Variants in OSBP2 observed in about 807,000 individuals in gnomAD.
OSBP2 encodes the protein oxysterol-binding protein 2.
In OSBP2, 66 loss-of-function variants were observed where a neutral mutation model predicts 96.0. The observed-to-expected ratio is 0.69, with a 90% CI of 0.56 to 0.84. OSBP2 has a LOEUF of 0.84. OSBP2 is among the 40% of genes least tolerant of loss of function. The pLI, the probability that OSBP2 is intolerant of heterozygous loss-of-function variation, is 0.00. For missense variants in OSBP2, 1,038 were observed against 1,222.7 expected, an observed-to-expected ratio of 0.85 and a Z score of 2.25; for synonymous variants, 525 against 520.9, an observed-to-expected ratio of 1.01 and a Z score of -0.11.
intron 12 of OSBP2, among the ~76,000 whole-genome samples, chr22:30,900,881 C>G (rs2040179082): frequency 6.6e-6 from 1 of 152,046 alleles, no homozygotes; most frequent in East Asian, 1.9e-4. Flanking sequence ...TATATTTGAC[C>G]ATATTAAAAT....
At chr22:30,744,136 A>C (rs1191384209) in intron 2 of OSBP2, among the ~76,000 whole-genome samples, 1 of 152,188 alleles carries the variant, frequency 6.6e-6, no homozygotes, top group Non-Finnish European at 1.5e-5. Flanking sequence ...TGTTTATGGA[A>C]AGATTGGGAC....
intron 11 of OSBP2, 42 bp downstream of exon 11, chr22:30,893,775 G>A (rs2040006740): frequency 6.2e-7 from 1 of 1,610,934 alleles, no homozygotes. Context: ...AGGGGGCCCA[G>A]GGCAGAGTCT....
chr22:30,884,754 G>C (rs2039774803), intron 3 of OSBP2, among the ~76,000 whole-genome samples: 1 of 152,138 alleles, frequency 6.6e-6, no homozygotes, highest in South Asian at 2.1e-4. Flanking sequence ...CCCACCCTTG[G>C]AGGTGTTCTC....
chr22:30,848,649 G>C (rs560833792), intron 2 of OSBP2, among the ~76,000 whole-genome samples: 238 of 152,214 alleles, frequency 1.6e-3, no homozygotes, highest in African/African-American at 5.3e-3. Context: ...AGTTTTACTT[G>C]TTCTAGAATT....
rs143741357 is a variant in OSBP2, at chr22:30,701,224, G to A, written c.644+5671G>A. On this transcript the variant is annotated intron_variant, in intron 1 of 13. Transcript: ENST00000332585. ...GACATTGTTGCCTCTGGGATAGATT[G>A]TGTACTCACCCTTCCCATGAACTCA... Among the ~76,000 whole-genome samples, 631 of 152,010 alleles carry A rather than the reference G, an allele frequency of 4.2e-3. 1 individual carries two copies. The highest frequency in any genetic ancestry group is 6.7e-3 in the Non-Finnish European group (456 of 67,988).
chr22:30,786,900 G>A (rs2090597523), intron 2 of OSBP2, among the ~76,000 whole-genome samples: 2 of 152,134 alleles, frequency 1.3e-5, no homozygotes, highest in Admixed American at 1.3e-4. Context: ...CCAGGTTCAA[G>A]CGATTCTCCT....
intron 2 of OSBP2, among the ~76,000 whole-genome samples, chr22:30,862,045 C>T: frequency 6.6e-6 from 1 of 152,214 alleles, no homozygotes. Context: ...AAGTCATCTC[C>T]CAACTCTCAC....
chr22:30,756,310 G>A (rs148126636), intron 2 of OSBP2, among the ~76,000 whole-genome samples: 334 of 152,240 alleles, frequency 2.2e-3, no homozygotes, highest in Middle Eastern at 6.8e-3. Context: ...CACTAGACAG[G>A]TTGGGCCCAA....
At chr22:30,826,323 C>T (rs2038404846) in intron 2 of OSBP2, among the ~76,000 whole-genome samples, 1 of 152,190 alleles carries the variant, frequency 6.6e-6, no homozygotes, top group African/African-American at 2.4e-5. Context: ...AATCTCCTTC[C>T]CTGCACCTGC....
intron 2 of OSBP2, among the ~76,000 whole-genome samples, chr22:30,826,529 G>T (rs968989580): frequency 1.2e-4 from 18 of 152,162 alleles, no homozygotes; most frequent in Non-Finnish European, 2.6e-4. Context: ...GGCTGGAGGT[G>T]CCCCCTCCTT....
intron 12 of OSBP2, chr22:30,902,618 A>G (rs1602449189): frequency 4.5e-6 from 3 of 665,888 alleles, no homozygotes; most frequent in East Asian, 2.9e-5. Context: ...ACGATCCAAC[A>G]TGGATTTCAA....
rs139979803 is a variant in OSBP2 at position 30,906,410 on chromosome 22, G to A, written c.*71G>A. On this transcript the variant is annotated 3_prime_UTR_variant, in exon 14 of 14. Coordinates refer to ENST00000332585, the MANE Select transcript of OSBP2 (RefSeq NM_030758.4). ...CCTGTTCATTAATGCACTCAATTTA[G>A]TACTGAATGGTCTTTCTCCCAGCCC... is the stretch of plus-strand genomic sequence containing the variant. The A allele has an allele frequency of 4.1e-4, 595 of 1,465,970 alleles. 2 individuals carry two copies. The African/African-American group carries it at 7.3e-3, about 18-fold the overall frequency. The allele number at this position is 1,465,970 out of a possible 1,614,324, so 90.8% of individuals were successfully genotyped here.
At chr22:30,795,892 A>G (rs887343110) in intron 2 of OSBP2, among the ~76,000 whole-genome samples, 3 of 152,158 alleles carry the variant, frequency 2.0e-5, no homozygotes, top group South Asian at 4.1e-4. Flanking sequence ...TAGATTTCCA[A>G]TTCTGTTGAA....
chr22:30,853,951 G>A (rs962683654), intron 2 of OSBP2, among the ~76,000 whole-genome samples: 7 of 151,944 alleles, frequency 4.6e-5, no homozygotes, highest in Non-Finnish European at 8.8e-5. Flanking sequence ...AGTAGAGACG[G>A]GGTTTCACCG....
At chr22:30,804,933 A>G (rs1011374829) in intron 2 of OSBP2, among the ~76,000 whole-genome samples, 4 of 152,224 alleles carry the variant, frequency 2.6e-5, no homozygotes, top group Admixed American at 6.5e-5. Flanking sequence ...AAAAGTGTGT[A>G]TTTGAGCCTT....
At chr22:30,773,671 G>A (rs764261926) in intron 2 of OSBP2, among the ~76,000 whole-genome samples, 2 of 152,064 alleles carry the variant, frequency 1.3e-5, no homozygotes, top group Admixed American at 6.5e-5. Context: ...AGAAGTGGGC[G>A]CTGGTGCTCT....
intron 1 of OSBP2, among the ~76,000 whole-genome samples, chr22:30,711,429 A>G (rs2089347691): frequency 6.6e-6 from 1 of 152,006 alleles, no homozygotes; most frequent in African/African-American, 2.4e-5. Context: ...ATCAGTTCAT[A>G]CTGGTATTCT....
chr22:30,716,204 G>T (rs1351586639), intron 1 of OSBP2, among the ~76,000 whole-genome samples: 1 of 150,786 alleles, frequency 6.6e-6, no homozygotes, highest in Non-Finnish European at 1.5e-5. Context: ...ACCACACCCA[G>T]CTAATTTTTG....
intron 3 of OSBP2, among the ~76,000 whole-genome samples, chr22:30,884,889 G>A (rs949778668): frequency 9.9e-5 from 15 of 152,244 alleles, no homozygotes; most frequent in African/African-American, 1.4e-4. Flanking sequence ...TGGCACAGTC[G>A]CTGGAGAGAC....
Sources: gnomAD v4.1 joint callset for allele counts (sites outside exome capture counted in the v4.1 genomes callset) on GRCh38, gnomAD v4.1.1 for gene constraint, MANE v1.5 for transcripts, NCBI Gene and HGNC (gene_info 2026-07-23, HGNC 2026-07-21) for gene names.